The following PLEKHA2 variants were observed in gnomAD, a reference collection of about 807,000 sequenced individuals.
The protein encoded by PLEKHA2 is pleckstrin homology domain containing A2.
PLEKHA2 carries 28 observed loss-of-function variants against 53.2 expected under a neutral mutation model. That is an observed-to-expected ratio of 0.53 (90% CI 0.39 to 0.72). The LOEUF is 0.72. Ranked by LOEUF, PLEKHA2 falls within the 30% of genes least tolerant of loss-of-function variation. The pLI, the probability that PLEKHA2 is intolerant of heterozygous loss-of-function variation, is 0.00. For synonymous variants in PLEKHA2, 193 were observed against 196.4 expected, an observed-to-expected ratio of 0.98 and a Z score of 0.14; for missense variants, 426 against 537.9, an observed-to-expected ratio of 0.79 and a Z score of 2.06.
At chr8:38,935,667 C>T (rs1450137552) in intron 2 of PLEKHA2, among the ~76,000 whole-genome samples, 1 of 152,166 alleles carries the variant, frequency 6.6e-6, no homozygotes, top group East Asian at 1.9e-4. Context: ...GATCTTCCCA[C>T]CTTGGCCTTC....
At position 38,916,034 on chromosome 8, in the gene PLEKHA2, G is replaced by T. The variant is rs531590927; in HGVS notation, c.-23-1873G>T. 8.5e-5 allele frequency among the ~76,000 whole-genome samples: 13 copies of T among 152,242 alleles called. No individual in the cohort carries two copies. The East Asian group carries it at 2.5e-3, about 29-fold the overall frequency. On this transcript the variant is annotated intron_variant, in intron 1 of 11. Transcript: ENST00000617275. ...CTTGTTGCCCAGGCTGGAGTGCAAT[G>T]GTGTGATCTCGTCTCACTATAACCT...
chr8:38,910,475 T>A (rs1254038326), intron 1 of PLEKHA2, among the ~76,000 whole-genome samples: 1 of 152,128 alleles, frequency 6.6e-6, no homozygotes, highest in African/African-American at 2.4e-5. Context: ...AAACAAACAT[T>A]TAAAAAACAT....
chr8:38,941,015 G>C (rs551976554), intron 3 of PLEKHA2, among the ~76,000 whole-genome samples: 1 of 150,922 alleles, frequency 6.6e-6, no homozygotes, highest in African/African-American at 2.4e-5. Context: ...TCTTGCACAC[G>C]CACAAAAGGA....
intron 5 of PLEKHA2, 48 bp from the exon 6 acceptor site, chr8:38,950,802 T>C: frequency 1.3e-6 from 2 of 1,581,764 alleles, no homozygotes; most frequent in Non-Finnish European, 1.7e-6. Context: ...CTCCCCATGT[T>C]TCCTAAATGT....
chr8:38,963,145 A>G lies in PLEKHA2; in HGVS notation c.838-5447A>G, dbSNP rs146671460. 2.2e-3 allele frequency among the ~76,000 whole-genome samples: 334 copies of G among 152,352 alleles called. 1 individual carries two copies. The highest frequency in any genetic ancestry group is 4.1e-3 in the Non-Finnish European group (276 of 68,030). ...TATGTTAGATAGTCAATAGAAGCTC[A>G]CTGGACTACAATAAAACTGCAGGCT... On this transcript the variant is annotated intron_variant, in intron 10 of 11. Coordinates refer to ENST00000617275, the MANE Select transcript of PLEKHA2 (RefSeq NM_021623.2).
intron 3 of PLEKHA2, among the ~76,000 whole-genome samples, chr8:38,940,055 C>G (rs562530205): frequency 6.7e-6 from 1 of 148,756 alleles, no homozygotes; most frequent in Non-Finnish European, 1.5e-5. Context: ...GACTGCACCT[C>G]CACACTCCAG....
chr8:38,918,162 G>A (rs1300987882), intron 2 of PLEKHA2, 92 bp downstream of exon 2: 4 of 1,464,052 alleles, frequency 2.7e-6, no homozygotes, highest in South Asian at 2.7e-5. Flanking sequence ...GCCTAGGCTC[G>A]TGAGCAACAC....
At chr8:38,944,272 T>G (rs1834666316) in intron 4 of PLEKHA2, among the ~76,000 whole-genome samples, 1 of 152,018 alleles carries the variant, frequency 6.6e-6, no homozygotes, top group African/African-American at 2.4e-5. Context: ...CCCAGCACGT[T>G]GGGAGGCCGA....
intron 5 of PLEKHA2, among the ~76,000 whole-genome samples, chr8:38,950,086 G>A (rs1176071582): frequency 6.6e-6 from 1 of 152,084 alleles, no homozygotes; most frequent in African/African-American, 2.4e-5. Flanking sequence ...CTGTCACCTA[G>A]CCTGGAGTAC....
At chr8:38,929,851 A>C (rs1031587042) in intron 2 of PLEKHA2, among the ~76,000 whole-genome samples, 2 of 152,056 alleles carry the variant, frequency 1.3e-5, no homozygotes, top group Non-Finnish European at 2.9e-5. Context: ...AGGACCTTTG[A>C]GTGCTGACAT....
At chr8:38,929,598 A>T (rs1452244341) in intron 2 of PLEKHA2, among the ~76,000 whole-genome samples, 1 of 152,182 alleles carries the variant, frequency 6.6e-6, no homozygotes, top group Non-Finnish European at 1.5e-5. Context: ...TAGTTTCTTC[A>T]TCTGTGAAAT....
intron 2 of PLEKHA2, among the ~76,000 whole-genome samples, chr8:38,934,280 C>A (rs184743066): frequency 6.6e-6 from 1 of 152,216 alleles, no homozygotes; most frequent in East Asian, 1.9e-4. Flanking sequence ...GTGTGAGCCA[C>A]CACGCCTGGT....
intron 1 of PLEKHA2, among the ~76,000 whole-genome samples, chr8:38,905,822 C>G (rs971420820): frequency 1.3e-5 from 2 of 151,656 alleles, no homozygotes; most frequent in African/African-American, 4.8e-5. Context: ...GTAGCTGGGT[C>G]TACAGGCGCA....
chr8:38,969,045 C>T (rs531841842), intron 11 of PLEKHA2: 19 of 310,204 alleles, frequency 6.1e-5, no homozygotes, highest in Middle Eastern at 1.0e-3. Flanking sequence ...ATTACAGGCA[C>T]GTGCCACCAC....
chr8:38,926,715 C>T (rs915651122), intron 2 of PLEKHA2, among the ~76,000 whole-genome samples: 2 of 152,202 alleles, frequency 1.3e-5, no homozygotes, highest in Admixed American at 6.5e-5. Flanking sequence ...CGATCACCTG[C>T]GGTCAGGAGT....
chr8:38,916,047 C>T (rs1467604903), intron 1 of PLEKHA2, among the ~76,000 whole-genome samples: 1 of 152,092 alleles, frequency 6.6e-6, no homozygotes, highest in Non-Finnish European at 1.5e-5. Flanking sequence ...GTGATCTCGT[C>T]TCACTATAAC....
At chr8:38,904,524 C>G (rs1277182974) in intron 1 of PLEKHA2, among the ~76,000 whole-genome samples, 1 of 152,228 alleles carries the variant, frequency 6.6e-6, no homozygotes, top group Non-Finnish European at 1.5e-5. Flanking sequence ...TTGCCCATGG[C>G]TGGATCAAGA....
Position 38,969,746 on chromosome 8 carries a change from A to T in PLEKHA2, c.1241A>T (p.Asn414Ile). Residue 414 changes from asparagine (N) to isoleucine (I), a missense_variant, in exon 12 of 12, where the codon AAC becomes ATC. Asn to Ile is a moderately radical substitution (Grantham distance 149, BLOSUM62 -3). Coordinates refer to ENST00000617275, the MANE Select transcript of PLEKHA2 (RefSeq NM_021623.2). ...CCCAAGGAGAAGCCGTTTATGTTCA[A>T]CCTTGATGATGAAAACATACGGACC... is the stretch of plus-strand genomic sequence containing the variant. ...QHPKEKPFMF[N>I]LDDENIRTSD... 7.0e-7 allele frequency: 1 copy of T among 1,425,010 alleles called. No homozygotes were observed. Among genetic ancestry groups the T allele is most frequent in the Non-Finnish European group, 9.3e-7 (1 of 1,070,514 alleles). 88.3% of individuals were successfully genotyped at this position (1,425,010 alleles called of 1,614,324 possible). A position where few individuals can be genotyped will look rare whatever the true frequency, so the allele number is the denominator to read the frequency against.
At chr8:38,946,406 G>A (rs1834715992) in intron 5 of PLEKHA2, among the ~76,000 whole-genome samples, 185 bp downstream of exon 5, 1 of 152,242 alleles carries the variant, frequency 6.6e-6, no homozygotes, top group African/African-American at 2.4e-5. Context: ...CTGAGAGTCT[G>A]AGTTTGAATC....
Sources: gnomAD v4.1 joint callset for allele counts (sites outside exome capture counted in the v4.1 genomes callset) on GRCh38, gnomAD v4.1.1 for gene constraint, MANE v1.5 for transcripts, NCBI Gene and HGNC (gene_info 2026-07-23, HGNC 2026-07-21) for gene names.